Variants in EPHA6 observed in about 807,000 individuals in gnomAD.
The protein encoded by EPHA6 is ephrin type-A receptor 6.
In EPHA6, 50 loss-of-function variants were observed where a neutral mutation model predicts 112.0. The observed-to-expected ratio is 0.45, with a 90% CI of 0.36 to 0.56. EPHA6 has a LOEUF of 0.56. Ranked by LOEUF, EPHA6 falls within the 20% of genes least tolerant of loss-of-function variation. The pLI, the probability that EPHA6 is intolerant of heterozygous loss-of-function variation, is 0.00. For synonymous variants in EPHA6, 529 were observed against 490.7 expected (o/e 1.08, Z -1.03); for missense variants, 1,280 against 1,417.4 (o/e 0.90, Z 1.56).
chr3:97,470,144 C>T (rs1178654460), intron 7 of EPHA6, among the ~76,000 whole-genome samples: 2 of 151,696 alleles, frequency 1.3e-5, no homozygotes, highest in South Asian at 2.1e-4. Context: ...ATTAATTAAT[C>T]TCCATTATGT....
In EPHA6 at chr3:97,328,971, C is replaced by T. The variant is rs2082627725; in HGVS notation, c.1607-76179C>T. The stretch of plus-strand genomic sequence containing the variant: ...CCTAATGCTATCCCTCCCCTCTCCC[C>T]CAACCCCACAACAGGCCCCAGTGTG... On this transcript the variant is annotated intron_variant, in intron 5 of 17. Transcript: ENST00000389672. Among the ~76,000 whole-genome samples, 4 of 152,202 alleles carry T rather than the reference C, an allele frequency of 2.6e-5. No individual in the cohort carries two copies. The South Asian group carries it at 8.3e-4, about 32-fold the overall frequency.
At chr3:96,834,284 A>C (rs1265235137) in intron 1 of EPHA6, among the ~76,000 whole-genome samples, 1 of 152,046 alleles carries the variant, frequency 6.6e-6, no homozygotes, top group Non-Finnish European at 1.5e-5. Flanking sequence ...TAGTGACCAT[A>C]ATGGGGAATC....
At chr3:97,470,918 A>G (rs976988024) in intron 7 of EPHA6, among the ~76,000 whole-genome samples, 2 of 151,748 alleles carry the variant, frequency 1.3e-5, no homozygotes, top group African/African-American at 4.8e-5. Context: ...TTTATTTTAC[A>G]CTATGGATTT....
rs1170197805 is a variant in EPHA6 at position 96,994,732 on chromosome 3, T to TATATAGAGAGAG, written c.1114+6740_1114+6741insTATAGAGAGAGA. Among the ~76,000 whole-genome samples the TATATAGAGAGAG allele has an allele frequency of 5.4e-3, 446 of 82,156 alleles. 3 individuals are homozygous for TATATAGAGAGAG. Among genetic ancestry groups the TATATAGAGAGAG allele is most frequent in the Middle Eastern group, 0.013 (2 of 156 alleles). The allele number at this position is 82,156 out of a possible 152,430, so 53.9% of individuals were successfully genotyped here. A position where few individuals can be genotyped will look rare whatever the true frequency, so the allele number is the denominator to read the frequency against. On this transcript the variant is annotated intron_variant, in intron 3 of 17. Transcript: ENST00000389672. ...GTGTATATATATATATATATATATA[T>TATATAGAGAGAG]AGAGAGAGAGAGAGAGAGAGAGAGA...
intron 5 of EPHA6, among the ~76,000 whole-genome samples, chr3:97,286,553 T>C (rs930770688): frequency 2.6e-5 from 4 of 152,196 alleles, no homozygotes; most frequent in South Asian, 2.1e-4. Flanking sequence ...TGCAAATAGG[T>C]GAACTTACTT....
chr3:96,956,362 G>T (rs1488354465), intron 2 of EPHA6, among the ~76,000 whole-genome samples: 1 of 152,154 alleles, frequency 6.6e-6, no homozygotes, highest in Non-Finnish European at 1.5e-5. Context: ...ATGATCCATT[G>T]AATTGACTAA....
chr3:97,296,608 C>A (rs936729633), intron 5 of EPHA6, among the ~76,000 whole-genome samples: 1 of 152,114 alleles, frequency 6.6e-6, no homozygotes, highest in Non-Finnish European at 1.5e-5. Flanking sequence ...GGAGTGCACA[C>A]TTTTATTCCC....
At chr3:97,253,740 A>G (rs2079213675) in intron 5 of EPHA6, among the ~76,000 whole-genome samples, 1 of 152,038 alleles carries the variant, frequency 6.6e-6, no homozygotes, top group South Asian at 2.1e-4. Flanking sequence ...CTAAATAGGT[A>G]TTAGTTTTTA....
At chr3:96,838,509 C>T (rs1297783171) in intron 1 of EPHA6, among the ~76,000 whole-genome samples, 1 of 152,104 alleles carries the variant, frequency 6.6e-6, no homozygotes, top group Non-Finnish European at 1.5e-5. Flanking sequence ...AATTTACTTT[C>T]CCACCAACAG....
intron 3 of EPHA6, among the ~76,000 whole-genome samples, chr3:97,224,050 C>T (rs1278525515): frequency 6.6e-6 from 1 of 151,474 alleles, no homozygotes; most frequent in Non-Finnish European, 1.5e-5. Context: ...AATTTAAAAT[C>T]CAAGGAATGT....
intron 10 of EPHA6, among the ~76,000 whole-genome samples, chr3:97,496,846 A>G (rs1013941604): frequency 3.3e-5 from 5 of 152,132 alleles, no homozygotes; most frequent in African/African-American, 1.2e-4. Context: ...AGCAGAACCA[A>G]CAGTAATGTG....
intron 5 of EPHA6, among the ~76,000 whole-genome samples, chr3:97,298,758 A>T (rs965455730): frequency 1.3e-5 from 2 of 152,148 alleles, no homozygotes; most frequent in Non-Finnish European, 2.9e-5. Context: ...ATATATATTG[A>T]AAGGTTTTTA....
intron 1 of EPHA6, among the ~76,000 whole-genome samples, chr3:96,838,153 G>A (rs990333051): frequency 1.3e-5 from 2 of 151,614 alleles, no homozygotes; most frequent in African/African-American, 4.9e-5. Context: ...TGCAGTGTTG[G>A]ACTTTCTTTT....
intron 3 of EPHA6, among the ~76,000 whole-genome samples, chr3:97,099,593 C>T (rs984471744): frequency 1.3e-5 from 2 of 151,808 alleles, no homozygotes; most frequent in South Asian, 4.2e-4. Flanking sequence ...CATATCTTAT[C>T]GCCGAGTGGG....
intron 11 of EPHA6, among the ~76,000 whole-genome samples, chr3:97,577,516 A>T (rs928030381): frequency 6.6e-6 from 1 of 152,052 alleles, no homozygotes; most frequent in Non-Finnish European, 1.5e-5. Context: ...TAAAAAAAAA[A>T]TCCCCTGTCT....
chr3:97,129,608 TA>T (rs2048283695), intron 3 of EPHA6, among the ~76,000 whole-genome samples: 2 of 152,180 alleles, frequency 1.3e-5, no homozygotes, highest in Non-Finnish European at 2.9e-5. Context: ...TGACACTTCT[TA>T]AAACAGTAAG....
chr3:97,736,591 A>T (rs1161247302), intron 16 of EPHA6, among the ~76,000 whole-genome samples: 1 of 151,190 alleles, frequency 6.6e-6, no homozygotes, highest in Non-Finnish European at 1.5e-5. Flanking sequence ...CAATTTGTGA[A>T]TCAGCCCAGA....
chr3:97,610,325 T>G (rs1321803160), intron 12 of EPHA6, among the ~76,000 whole-genome samples: 1 of 151,654 alleles, frequency 6.6e-6, no homozygotes, highest in Non-Finnish European at 1.5e-5. Flanking sequence ...TTTATGAGTT[T>G]CTCCTTTCTG....
At chr3:97,539,611 A>G (rs965602347) in intron 11 of EPHA6, among the ~76,000 whole-genome samples, 3 of 152,166 alleles carry the variant, frequency 2.0e-5, no homozygotes, top group Non-Finnish European at 4.4e-5. Flanking sequence ...GGTGTCTCCA[A>G]ACTTGCTCCT....
Sources: gnomAD v4.1 joint callset for allele counts (sites outside exome capture counted in the v4.1 genomes callset) on GRCh38, gnomAD v4.1.1 for gene constraint, MANE v1.5 for transcripts, NCBI Gene and HGNC (gene_info 2026-07-23, HGNC 2026-07-21) for gene names.